The following KCTD1 variants were observed in gnomAD, a reference collection of about 807,000 sequenced individuals.
KCTD1 encodes potassium channel tetramerization domain containing 1.
In KCTD1, 24 loss-of-function variants were observed where a neutral mutation model predicts 66.0. That is an observed-to-expected ratio of 0.36 (90% CI 0.26 to 0.51). The LOEUF (loss-of-function observed/expected upper bound fraction) is 0.51. Ranked by LOEUF, KCTD1 falls within the 20% of genes least tolerant of loss-of-function variation. The pLI is 0.95. For synonymous variants in KCTD1, 511 were observed against 517.2 expected (o/e 0.99, Z 0.16); for missense variants, 943 against 1,205.2 (o/e 0.78, Z 3.22).
intron 1 of KCTD1, among the ~76,000 whole-genome samples, chr18:26,502,620 T>C (rs751028535): frequency 6.6e-6 from 1 of 152,172 alleles, no homozygotes; most frequent in African/African-American, 2.4e-5. Flanking sequence ...CAAGTAAAGA[T>C]AGGTCTCTGG....
intron 1 of KCTD1, among the ~76,000 whole-genome samples, chr18:26,572,065 T>TG (rs1986121307): frequency 6.7e-6 from 1 of 149,524 alleles, no homozygotes; most frequent in African/African-American, 2.4e-5. Context: ...TTGTTGTTGT[T>TG]TTTTTTTTTT....
At chr18:26,605,770 A>ATC (rs767806252) in intron 1 of KCTD1, among the ~76,000 whole-genome samples, 1 of 138,368 alleles carries the variant, frequency 7.2e-6, no homozygotes, top group African/African-American at 2.7e-5. Flanking sequence ...CTATCTATCT[A>ATC]TATTACATCT....
intron 1 of KCTD1, among the ~76,000 whole-genome samples, chr18:26,627,103 G>T (rs141791299): frequency 2.0e-5 from 3 of 152,078 alleles, no homozygotes; most frequent in African/African-American, 7.2e-5. Flanking sequence ...CTTCTCCTTT[G>T]TACTAATGAG....
In KCTD1 at chr18:26,532,261, C is replaced by CTTTTTTTTT. The variant is rs533359603; in HGVS notation, c.1809+14458_1809+14466dup. Among the ~76,000 whole-genome samples, 45 of 29,560 alleles carry CTTTTTTTTT rather than the reference C, an allele frequency of 1.5e-3. 1 individual carries two copies. Among genetic ancestry groups the CTTTTTTTTT allele is most frequent in the African/African-American group, 2.8e-3 (43 of 15,392 alleles). 19.4% of individuals were successfully genotyped at this position (29,560 alleles called of 152,430 possible). On this transcript the variant is annotated intron_variant, in intron 1 of 4. Coordinates refer to ENST00000580059, the MANE Select transcript of KCTD1 (RefSeq NM_001142730.3). ...CTTTTTCTTTTTCTTTTCTTTCCTT[C>CTTTTTTTTT]TTTTTTTTTTTTTTTTTTTTTTTTT...
At chr18:26,554,628 T>C (rs1418828361) in intron 1 of KCTD1, among the ~76,000 whole-genome samples, 1 of 152,194 alleles carries the variant, frequency 6.6e-6, no homozygotes, top group Non-Finnish European at 1.5e-5. Flanking sequence ...ATTTTTTTCT[T>C]CAATGCTTTG....
At chr18:26,574,509 C>A (rs1346110468) in intron 1 of KCTD1, among the ~76,000 whole-genome samples, 8 of 152,196 alleles carry the variant, frequency 5.3e-5, no homozygotes. Context: ...CCTTTGAGTG[C>A]CTCCCAGGTA....
intron 1 of KCTD1, among the ~76,000 whole-genome samples, chr18:26,610,929 G>C (rs1008424383): frequency 6.6e-6 from 1 of 152,070 alleles, no homozygotes; most frequent in African/African-American, 2.4e-5. Flanking sequence ...ACATGTCTTG[G>C]TGTTCATTGT....
At chr18:26,627,708 G>T (rs1196271029) in intron 1 of KCTD1, among the ~76,000 whole-genome samples, 2 of 152,156 alleles carry the variant, frequency 1.3e-5, no homozygotes, top group Non-Finnish European at 2.9e-5. Flanking sequence ...TTTAGCATTT[G>T]TTTTCATTTA....
chr18:26,536,623 T>C (rs1267070975), intron 1 of KCTD1, among the ~76,000 whole-genome samples: 9 of 152,180 alleles, frequency 5.9e-5, no homozygotes, highest in Admixed American at 4.6e-4. Flanking sequence ...GAGATAAGAC[T>C]GATCTCCAGC....
intron 1 of KCTD1, among the ~76,000 whole-genome samples, chr18:26,574,547 A>T (rs1337987101): frequency 6.6e-6 from 1 of 152,230 alleles, no homozygotes; most frequent in East Asian, 1.9e-4. Context: ...CACTCAGTAC[A>T]TATCTGTTGA....
chr18:26,620,254 T>C (rs1051389258), intron 1 of KCTD1, among the ~76,000 whole-genome samples: 1 of 151,344 alleles, frequency 6.6e-6, no homozygotes, highest in African/African-American at 2.4e-5. Flanking sequence ...CAAGTATTTA[T>C]TGAGCATGAC....
intron 3 of KCTD1, among the ~76,000 whole-genome samples, chr18:26,465,659 T>C (rs1289704748): frequency 6.6e-6 from 1 of 152,244 alleles, no homozygotes; most frequent in Non-Finnish European, 1.5e-5. Flanking sequence ...CAGGTGACCG[T>C]GTCAGGGTGC....
At chr18:26,509,452 G>A (rs1362354179) in intron 1 of KCTD1, among the ~76,000 whole-genome samples, 2 of 151,912 alleles carry the variant, frequency 1.3e-5, no homozygotes, top group Admixed American at 6.6e-5. Flanking sequence ...CAGAGTGTTA[G>A]TTCCATATAT....
chr18:26,569,920 C>T (rs1043755567), intron 1 of KCTD1, among the ~76,000 whole-genome samples: 8 of 152,176 alleles, frequency 5.3e-5, no homozygotes, highest in Non-Finnish European at 5.9e-5. Flanking sequence ...GGTGCAGTGG[C>T]TCACGCCTGT....
intron 1 of KCTD1, among the ~76,000 whole-genome samples, chr18:26,506,752 C>T (rs978846447): frequency 1.3e-5 from 2 of 152,230 alleles, no homozygotes; most frequent in Non-Finnish European, 2.9e-5. Context: ...GTCCATAGAA[C>T]TTTCTGCAGT....
At chr18:26,650,027 T>C (rs1319698096) in intron 1 of KCTD1, among the ~76,000 whole-genome samples, 1 of 152,196 alleles carries the variant, frequency 6.6e-6, no homozygotes, top group African/African-American at 2.4e-5. Flanking sequence ...ATAGCGTAAG[T>C]GTCTGCAGAT....
chr18:26,624,461 A>G (rs1214217059), intron 1 of KCTD1, among the ~76,000 whole-genome samples: 2 of 152,378 alleles, frequency 1.3e-5, no homozygotes. Flanking sequence ...CTTCAGCTCC[A>G]GCCATGGCTA....
At chr18:26,584,823 G>A (rs1986436287) in intron 1 of KCTD1, among the ~76,000 whole-genome samples, 1 of 152,158 alleles carries the variant, frequency 6.6e-6, no homozygotes, top group South Asian at 2.1e-4. Context: ...AAATTGGCAG[G>A]AGTTAACCAG....
intron 1 of KCTD1, among the ~76,000 whole-genome samples, chr18:26,647,189 A>G (rs1226168524): frequency 6.6e-6 from 1 of 152,128 alleles, no homozygotes; most frequent in Non-Finnish European, 1.5e-5. Context: ...TGGATCTTTG[A>G]AATATAATAT....
Sources: gnomAD v4.1 joint callset for allele counts (sites outside exome capture counted in the v4.1 genomes callset) on GRCh38, gnomAD v4.1.1 for gene constraint, MANE v1.5 for transcripts, NCBI Gene and HGNC (gene_info 2026-07-23, HGNC 2026-07-21) for gene names.